DZIP1L: variants seen among roughly 807,000 people sequenced by gnomAD.
The protein encoded by DZIP1L is cilium assembly protein DZIP1L.
A neutral mutation model predicts 88.7 loss-of-function variants in DZIP1L; 90 were observed. The ratio of observed to expected loss-of-function variants is 1.02; its 90% CI spans 0.86 to 1.21. DZIP1L has a LOEUF of 1.21. Among genes scored for constraint, DZIP1L ranks in the 50% most tolerant of loss-of-function variants. The pLI, the probability that DZIP1L is intolerant of heterozygous loss-of-function variation, is 0.00. For missense variants in DZIP1L, 932 were observed against 955.8 expected (o/e 0.98, Z 0.33); for synonymous variants, 363 against 372.1 (o/e 0.98, Z 0.28).
chr3:138,105,511 G>C (rs1490207735), intron 1 of DZIP1L, among the ~76,000 whole-genome samples: 1 of 151,692 alleles, frequency 6.6e-6, no homozygotes, highest in African/African-American at 2.4e-5. Context: ...ACACATTCTC[G>C]CACACACTCT....
At chr3:138,088,961 T>G in intron 5 of DZIP1L, 1 of 985,732 alleles carries the variant, frequency 1.0e-6, no homozygotes, top group Non-Finnish European at 1.2e-6. Context: ...CAGCTTGAAG[T>G]AGAGTCATCA....
chr3:138,114,676 G>T (rs1461543865), intron 1 of DZIP1L, among the ~76,000 whole-genome samples: 2 of 152,102 alleles, frequency 1.3e-5, no homozygotes, highest in Non-Finnish European at 2.9e-5. Flanking sequence ...CCAGGCAGGG[G>T]CAGCCTAGGC....
At chr3:138,081,810 T>A (rs1943670183) in intron 8 of DZIP1L, 46 bp from the exon 9 acceptor site, 4 of 1,599,502 alleles carry the variant, frequency 2.5e-6, no homozygotes, top group Non-Finnish European at 2.6e-6. Flanking sequence ...CAGAGAACAT[T>A]GTGAGAACTC....
intron 1 of DZIP1L, among the ~76,000 whole-genome samples, chr3:138,106,127 C>CTTTTTTTTTTTTTTTTTT (rs56146259): frequency 1.6e-5 from 1 of 64,516 alleles, no homozygotes; most frequent in African/African-American, 6.2e-5. Context: ...AGTCTTCTTT[C>CTTTTTTTTTTTTTTTTTT]TTTTTTTTTT....
chr3:138,104,296 A>C (rs1322081911), intron 1 of DZIP1L, among the ~76,000 whole-genome samples: 1 of 152,236 alleles, frequency 6.6e-6, no homozygotes, highest in African/African-American at 2.4e-5. Flanking sequence ...TCCTGTGTCT[A>C]AGGAGGAACA....
At chr3:138,067,157 C>G (rs1473770339) in intron 14 of DZIP1L, among the ~76,000 whole-genome samples, 1 of 152,158 alleles carries the variant, frequency 6.6e-6, no homozygotes, top group Admixed American at 6.5e-5. Flanking sequence ...ATTCCTGGGC[C>G]CTGTCACCAC....
chr3:138,111,624 CCTCAAAAGTATTA>C (rs1459251481), intron 1 of DZIP1L, among the ~76,000 whole-genome samples: 1 of 152,134 alleles, frequency 6.6e-6, no homozygotes, highest in African/African-American at 2.4e-5. Flanking sequence ...TTTTAATGTA[CCTCAAAAGTATTA>C]CTCATGTCTT....
chr3:138,095,740 C>T (rs931065371), intron 3 of DZIP1L, among the ~76,000 whole-genome samples: 2 of 152,050 alleles, frequency 1.3e-5, no homozygotes, highest in Admixed American at 6.5e-5. Flanking sequence ...CGAGATCGCA[C>T]GACTGCACTC....
At chr3:138,064,083 A>G (rs1559818155) in intron 15 of DZIP1L, among the ~76,000 whole-genome samples, 2 of 152,216 alleles carry the variant, frequency 1.3e-5, no homozygotes, top group Non-Finnish European at 2.9e-5. Flanking sequence ...TCTGAGCTCT[A>G]AGTCTGAAAA....
intron 5 of DZIP1L, chr3:138,089,399 C>T (rs966370357): frequency 5.1e-6 from 2 of 395,924 alleles, no homozygotes; most frequent in Non-Finnish European, 6.9e-6. Context: ...TACAAACCTT[C>T]GTGGTATTTC....
chr3:138,077,598 C>T lies in DZIP1L; in HGVS notation c.1323G>A (p.Val441=), dbSNP rs751160485. The T allele has an allele frequency of 6.2e-7, 1 of 1,614,100 alleles. No homozygotes were observed. Among genetic ancestry groups the T allele is most frequent in the Admixed American group, 1.7e-5 (1 of 60,004 alleles). Residue 441 remains valine (V), a synonymous_variant, in exon 11 of 16, where the codon GTG becomes GTA. Coordinates refer to ENST00000327532, the MANE Select transcript of DZIP1L (RefSeq NM_173543.3). ...MEDSQDEQHK[V]LAALRRNPTL... ...TGGGGTTACGCCTCAGAGCTGCCAG[C>T]ACCTTGTGCTGTTCATCCTGGGAGT...
intron 5 of DZIP1L, among the ~76,000 whole-genome samples, chr3:138,090,112 C>A (rs1054862686): frequency 6.6e-6 from 1 of 151,444 alleles, no homozygotes; most frequent in Admixed American, 6.6e-5. Context: ...TGCACTCGAG[C>A]CTGGGCAACA....
At chr3:138,065,079 A>G (rs1017255272) in intron 14 of DZIP1L, among the ~76,000 whole-genome samples, 11 of 152,240 alleles carry the variant, frequency 7.2e-5, no homozygotes, top group Admixed American at 6.5e-4. Context: ...GTGGGGAATG[A>G]ACTGTATCAC....
rs1942759023 is a variant in DZIP1L at position 138,063,001 on chromosome 3, A to C, written c.2143-24T>G. On this transcript the variant is annotated intron_variant, in intron 15 of 15. Coordinates refer to ENST00000327532, the MANE Select transcript of DZIP1L (RefSeq NM_173543.3). The surrounding 1 kb of genome is among the most constrained non-coding windows in gnomAD (Gnocchi z 4.1). ...AGCTGCAGGGGGTAAAGGGGAGAAGAAAATGCATTTTGATAAGGGAGGAGG... is the reference window on the plus strand; with the variant it reads ...AGCTGCAGGGGGTAAAGGGGAGAAGCAAATGCATTTTGATAAGGGAGGAGG... The C allele has an allele frequency of 6.2e-7, 1 of 1,611,714 alleles. No homozygotes were observed. Among genetic ancestry groups the C allele is most frequent in the East Asian group, 2.2e-5 (1 of 44,846 alleles).
chr3:138,094,720 G>A, intron 4 of DZIP1L, 142 bp downstream of exon 4: 3 of 1,332,618 alleles, frequency 2.3e-6, no homozygotes, highest in South Asian at 2.8e-5. Context: ...CATTTGCCAT[G>A]TCCAAGAAGG....
intron 5 of DZIP1L, among the ~76,000 whole-genome samples, chr3:138,092,011 G>T (rs116434286): frequency 6.6e-6 from 1 of 152,046 alleles, no homozygotes; most frequent in Non-Finnish European, 1.5e-5. Context: ...AAAGCCCTTC[G>T]CAAAAATAAG....
At chr3:138,086,008 C>CA (rs1943914807) in intron 7 of DZIP1L, among the ~76,000 whole-genome samples, 1 of 150,876 alleles carries the variant, frequency 6.6e-6, no homozygotes, top group South Asian at 2.1e-4. Flanking sequence ...ATCACAAGAA[C>CA]AAAAAACCAA....
rs779401503 is a variant in DZIP1L, at chr3:138,097,776, G to A, written c.573C>T (p.Gly191=). The stretch of plus-strand genomic sequence containing the variant: ...GTCTGGACTCACCACCTTCTGCCAC[G>A]CCTGCATGCCTGCGCTGGATGTGGC... The part of the protein sequence containing the change: ...LRGHIQRRHA[G]VAEGGKQKKQ... The change falls in exon 3 of 16, where the codon GGC becomes GGT. Residue 191 remains glycine, a synonymous_variant. Transcript: ENST00000327532. The A allele has an allele frequency of 3.2e-5, 52 of 1,611,766 alleles. No individual in the cohort carries two copies. The highest frequency in any genetic ancestry group is 3.0e-4 in the South Asian group (27 of 90,422).
chr3:138,105,678 C>T (rs1425723738), intron 1 of DZIP1L, among the ~76,000 whole-genome samples: 1 of 151,588 alleles, frequency 6.6e-6, no homozygotes, highest in Non-Finnish European at 1.5e-5. Flanking sequence ...TTTTGATCCG[C>T]AGTTTGTTGA....
Sources: allele counts gnomAD v4.1 joint callset (sites outside exome capture counted in the v4.1 genomes callset), GRCh38; gene constraint gnomAD v4.1.1; non-coding constraint Gnocchi (gnomAD v3.1); transcripts MANE v1.5; gene names NCBI Gene and HGNC (gene_info 2026-07-23, HGNC 2026-07-21).